EAF2: variants seen among roughly 807,000 people sequenced by gnomAD.
EAF2 encodes ELL-associated factor 2.
A neutral mutation model predicts 29.4 loss-of-function variants in EAF2; 29 were observed. The observed-to-expected ratio is 0.99, with a 90% confidence interval of 0.73 to 1.35. The LOEUF (loss-of-function observed/expected upper bound fraction) is 1.35, where lower values mean the gene tolerates loss of function less well. Ranked by LOEUF, EAF2 falls within the 40% of genes most tolerant of loss-of-function variation. The probability of loss-of-function intolerance (pLI) is 0.00; values close to 1 mark genes in which losing one functional copy is unlikely to be tolerated. For missense variants in EAF2, 292 were observed against 312.0 expected (o/e 0.94, Z 0.48); for synonymous variants, 103 against 102.5 (o/e 1.00, Z -0.03).
chr3:121,883,399 A>G (rs1348096058), intron 5 of EAF2, among the ~76,000 whole-genome samples: 1 of 152,234 alleles, frequency 6.6e-6, no homozygotes, highest in Non-Finnish European at 1.5e-5. Context: ...AGTTTTTAAA[A>G]AATACAAAAC....
chr3:121,865,621 C>T (rs954347137), intron 4 of EAF2, among the ~76,000 whole-genome samples: 6 of 151,766 alleles, frequency 4.0e-5, no homozygotes, highest in South Asian at 2.1e-4. Context: ...GTGGGAGGAT[C>T]GTTTGAGGCC....
At chr3:121,858,402 C>T (rs1436010778) in intron 4 of EAF2, among the ~76,000 whole-genome samples, 10 of 152,226 alleles carry the variant, frequency 6.6e-5, no homozygotes, top group Non-Finnish European at 1.5e-5. Context: ...TTTTGATTTG[C>T]ATTTCTCTGA....
chr3:121,852,656 T>G (rs1708652626), intron 2 of EAF2, among the ~76,000 whole-genome samples: 1 of 152,210 alleles, frequency 6.6e-6, no homozygotes, highest in East Asian at 1.9e-4. Context: ...CTAATTTATC[T>G]TATACTCCTC....
chr3:121,886,414 T>C lies in EAF2; in HGVS notation c.*26T>C, dbSNP rs945476545. On this transcript the variant is annotated 3_prime_UTR_variant, in exon 6 of 6. Transcript: ENST00000273668. ...AGAAATATTTAGCTATAAATAAAAA[T>C]TTATACAGCATGTATAATTTATTTT... The C allele has an allele frequency of 2.2e-6, 3 of 1,341,760 alleles. No individual in the cohort carries two copies. Among genetic ancestry groups the C allele is most frequent in the Non-Finnish European group, 3.0e-6 (3 of 1,002,528 alleles). 83.1% of individuals were successfully genotyped at this position (1,341,760 alleles called of 1,614,324 possible).
In EAF2 at chr3:121,853,169, T is replaced by C. The variant is rs116176755; in HGVS notation, c.202-1518T>C. On this transcript the variant is annotated intron_variant, in intron 2 of 5. Transcript: ENST00000273668. ...GACAATGTGCCATTTCATCAATGCT[T>C]ACTTATGTATCTCTAACTGATAAGG... is the stretch of plus-strand genomic sequence containing the variant. Among the ~76,000 whole-genome samples the C allele has an allele frequency of 9.6e-3, 1,458 of 152,314 alleles. 25 individuals are homozygous for C. The highest frequency in any genetic ancestry group is 0.033 in the African/African-American group (1,378 of 41,558).
intron 4 of EAF2, among the ~76,000 whole-genome samples, chr3:121,860,577 T>G (rs1037336314): frequency 4.6e-5 from 7 of 152,224 alleles, no homozygotes; most frequent in Non-Finnish European, 7.3e-5. Flanking sequence ...TTTATTAGTC[T>G]TGCTAGTGGT....
intron 5 of EAF2, among the ~76,000 whole-genome samples, chr3:121,885,921 G>A (rs1264367596): frequency 6.6e-6 from 1 of 152,020 alleles, no homozygotes; most frequent in Non-Finnish European, 1.5e-5. Flanking sequence ...ATTACAAAAT[G>A]AATCAATGGT....
chr3:121,844,696 G>A (rs1708492710), intron 2 of EAF2, 149 bp downstream of exon 2: 2 of 437,162 alleles, frequency 4.6e-6, no homozygotes, highest in South Asian at 4.5e-5. Context: ...ACTACTTTAG[G>A]CAAAAAAAAC....
At chr3:121,873,638 G>A (rs557291303) in intron 5 of EAF2, among the ~76,000 whole-genome samples, 126 of 151,794 alleles carry the variant, frequency 8.3e-4, no homozygotes, top group African/African-American at 3.0e-3. Flanking sequence ...TTAATAGCTT[G>A]TAATTTCTTT....
chr3:121,845,738 A>G (rs776078993), intron 2 of EAF2, among the ~76,000 whole-genome samples: 17 of 151,940 alleles, frequency 1.1e-4, no homozygotes, highest in South Asian at 4.1e-4. Context: ...GTGTTTTTGA[A>G]AGAACTTCAG....
At chr3:121,837,222 T>C (rs1046135990) in intron 1 of EAF2, among the ~76,000 whole-genome samples, 5 of 152,208 alleles carry the variant, frequency 3.3e-5, no homozygotes, top group Admixed American at 2.6e-4. Flanking sequence ...TCATTTTAGA[T>C]TTATTTAAAT....
At chr3:121,840,605 A>ACCATCCTT (rs1708401059) in intron 1 of EAF2, among the ~76,000 whole-genome samples, 1 of 151,160 alleles carries the variant, frequency 6.6e-6, no homozygotes, top group African/African-American at 2.4e-5. Flanking sequence ...GGAGATCGAG[A>ACCATCCTT]CCATCCTTGC....
At chr3:121,866,657 G>A (rs1392265473) in intron 4 of EAF2, among the ~76,000 whole-genome samples, 1 of 151,950 alleles carries the variant, frequency 6.6e-6, no homozygotes, top group Non-Finnish European at 1.5e-5. Flanking sequence ...CCCAGGAGGT[G>A]GAGGTTGCAG....
At chr3:121,844,850 T>G (rs1247423609) in intron 2 of EAF2, among the ~76,000 whole-genome samples, 1 of 152,230 alleles carries the variant, frequency 6.6e-6, no homozygotes, top group Admixed American at 6.5e-5. Context: ...AACATATCCC[T>G]TGCCTTCTAG....
At chr3:121,882,340 C>A (rs1429878024) in intron 5 of EAF2, among the ~76,000 whole-genome samples, 1 of 67,440 alleles carries the variant, frequency 1.5e-5, no homozygotes. Context: ...CAGAGTGAGA[C>A]TCTGTCTCAA....
chr3:121,868,378 C>T (rs1708958939), intron 4 of EAF2, among the ~76,000 whole-genome samples: 1 of 152,184 alleles, frequency 6.6e-6, no homozygotes, highest in Non-Finnish European at 1.5e-5. Context: ...GCAGGCAGAT[C>T]ACTTGAGGTC....
intron 4 of EAF2, among the ~76,000 whole-genome samples, chr3:121,858,554 A>T (rs1174917974): frequency 1.3e-5 from 2 of 152,108 alleles, no homozygotes; most frequent in African/African-American, 2.4e-5. Context: ...AGTTCTTCAT[A>T]GATTCTGGAT....
intron 4 of EAF2, among the ~76,000 whole-genome samples, chr3:121,864,100 G>A (rs911604389): frequency 1.1e-4 from 17 of 152,178 alleles, no homozygotes; most frequent in South Asian, 2.1e-4. Flanking sequence ...TATTTTTGGG[G>A]AAGTACATAC....
chr3:121,853,286 G>T (rs61567016), intron 2 of EAF2, among the ~76,000 whole-genome samples: 22,187 of 152,090 alleles, frequency 0.15, 2,010 homozygotes, highest in African/African-American at 0.25. Flanking sequence ...TCTCAAAAAC[G>T]TGTTTTTTAC....
Sources: allele counts gnomAD v4.1 joint callset (sites outside exome capture counted in the v4.1 genomes callset), GRCh38; gene constraint gnomAD v4.1.1; transcripts MANE v1.5; gene names NCBI Gene and HGNC (gene_info 2026-07-23, HGNC 2026-07-21).